The following RALYL variants were observed in gnomAD, a reference collection of about 807,000 sequenced individuals.
RALYL encodes RNA-binding Raly-like protein.
A neutral mutation model predicts 35.1 loss-of-function variants in RALYL; 29 were observed. The observed-to-expected ratio is 0.83, with a 90% CI of 0.61 to 1.13. The LOEUF is 1.13. Ranked by LOEUF, RALYL falls within the 50% of genes most tolerant of loss-of-function variation. RALYL has a pLI of 0.00. For synonymous variants in RALYL, 120 were observed against 127.6 expected, an observed-to-expected ratio of 0.94 and a Z score of 0.40; for missense variants, 359 against 360.4, an observed-to-expected ratio of 1.00 and a Z score of 0.03.
chr8:84,350,507 G>C (rs1563773747), intron 1 of RALYL, among the ~76,000 whole-genome samples: 1 of 150,198 alleles, frequency 6.7e-6, no homozygotes, highest in Non-Finnish European at 1.5e-5. Flanking sequence ...TGGTCTGCTT[G>C]TGGGTTCCAG....
intron 2 of RALYL, among the ~76,000 whole-genome samples, chr8:84,556,297 C>T (rs1306816964): frequency 6.6e-6 from 1 of 152,048 alleles, no homozygotes; most frequent in South Asian, 2.1e-4. Context: ...TGAAAAGATA[C>T]TCAAGAGTTT....
chr8:84,500,400 G>A (rs939046324), intron 1 of RALYL, among the ~76,000 whole-genome samples: 3 of 152,118 alleles, frequency 2.0e-5, no homozygotes, highest in Non-Finnish European at 4.4e-5. Flanking sequence ...TAAATGAACT[G>A]TTTTTAAGTA....
rs371108958 is a variant in RALYL, at chr8:84,657,410, A to G, written c.257-117169A>G. Among the ~76,000 whole-genome samples, 3 of 152,318 alleles carry G rather than the reference A, an allele frequency of 2.0e-5. No homozygotes were observed. In the East Asian group the frequency reaches 5.8e-4, roughly 29 times the overall value. ...AGCTTCTCTTCCTTCCCAGAATCCA[A>G]GTCTTACTCTCAACCGAAACTGGTT... On this transcript the variant is annotated intron_variant, in intron 2 of 8. Coordinates refer to ENST00000521268, the MANE Select transcript of RALYL (RefSeq NM_173848.7).
chr8:84,619,916 T>C (rs1359596637), intron 2 of RALYL, among the ~76,000 whole-genome samples: 2 of 151,210 alleles, frequency 1.3e-5, no homozygotes, highest in Non-Finnish European at 3.0e-5. Context: ...ATGTTGAATA[T>C]TGGCCCCCAC....
intron 2 of RALYL, among the ~76,000 whole-genome samples, chr8:84,553,249 A>C (rs891913808): frequency 6.6e-6 from 1 of 152,118 alleles, no homozygotes; most frequent in African/African-American, 2.4e-5. Flanking sequence ...GTAACCTCTA[A>C]TACCTGGGCT....
chr8:84,474,181 G>C (rs2053126019), intron 1 of RALYL, among the ~76,000 whole-genome samples: 2 of 152,084 alleles, frequency 1.3e-5, no homozygotes, highest in African/African-American at 4.8e-5. Context: ...CGAAAGAAAT[G>C]GAGGTTTAGT....
intron 2 of RALYL, among the ~76,000 whole-genome samples, chr8:84,644,185 A>G (rs1372816680): frequency 1.3e-5 from 2 of 152,076 alleles, no homozygotes; most frequent in African/African-American, 2.4e-5. Context: ...AATATGCTTA[A>G]GGGTTACATT....
intron 1 of RALYL, among the ~76,000 whole-genome samples, chr8:84,223,132 CCTTTCCTTT>C (rs1822758617): frequency 7.0e-6 from 1 of 143,412 alleles, no homozygotes; most frequent in African/African-American, 2.7e-5. Context: ...CCTTTCCTTT[CCTTTCCTTT>C]CCTTTCCTTT....
chr8:84,704,502 A>G (rs1351171914), intron 2 of RALYL, among the ~76,000 whole-genome samples: 1 of 151,364 alleles, frequency 6.6e-6, no homozygotes, highest in African/African-American at 2.4e-5. Context: ...TTTATTCCAC[A>G]AATGTTTATT....
At chr8:84,794,339 G>A (rs778154886) in intron 3 of RALYL, among the ~76,000 whole-genome samples, 1 of 152,156 alleles carries the variant, frequency 6.6e-6, no homozygotes, top group Non-Finnish European at 1.5e-5. Context: ...ATCTGAAACT[G>A]GATAACTCTG....
chr8:84,896,163 G>C (rs142381503), intron 8 of RALYL, among the ~76,000 whole-genome samples: 2 of 152,268 alleles, frequency 1.3e-5, no homozygotes, highest in African/African-American at 4.8e-5. Context: ...CACACTCAGA[G>C]GTGCAGGACC....
At chr8:84,440,806 AG>A (rs1300782474) in intron 1 of RALYL, among the ~76,000 whole-genome samples, 6 of 152,002 alleles carry the variant, frequency 3.9e-5, no homozygotes, top group Non-Finnish European at 7.4e-5. Flanking sequence ...TTATGAACAA[AG>A]CTACATTAAG....
chr8:84,864,253 T>G (rs190706174), intron 6 of RALYL, among the ~76,000 whole-genome samples: 6 of 152,190 alleles, frequency 3.9e-5, no homozygotes, highest in Admixed American at 3.9e-4. Context: ...AGGCTAAATC[T>G]GAAAATTGGA....
intron 2 of RALYL, among the ~76,000 whole-genome samples, chr8:84,712,515 A>G (rs1343774522): frequency 1.1e-4 from 16 of 152,080 alleles, no homozygotes; most frequent in Admixed American, 8.5e-4. Context: ...TCTGTTTAAC[A>G]ATGCCCCACA....
chr8:84,389,329 C>T (rs1434770356), intron 1 of RALYL, among the ~76,000 whole-genome samples: 1 of 151,996 alleles, frequency 6.6e-6, no homozygotes, highest in Non-Finnish European at 1.5e-5. Flanking sequence ...AATGCGGGCT[C>T]TTTTTTGGTT....
At chr8:84,726,435 C>G (rs1279292834) in intron 2 of RALYL, among the ~76,000 whole-genome samples, 1 of 150,668 alleles carries the variant, frequency 6.6e-6, no homozygotes, top group African/African-American at 2.4e-5. Flanking sequence ...TAGCAGTTCA[C>G]TTGATGTTGG....
chr8:84,814,375 G>A (rs1482282706), intron 4 of RALYL, among the ~76,000 whole-genome samples: 1 of 152,116 alleles, frequency 6.6e-6, no homozygotes, highest in Non-Finnish European at 1.5e-5. Context: ...CATGAAATGA[G>A]TTATCAAGCA....
At chr8:84,196,156 G>A (rs1363692291) in intron 1 of RALYL, among the ~76,000 whole-genome samples, 1 of 152,106 alleles carries the variant, frequency 6.6e-6, no homozygotes, top group Non-Finnish European at 1.5e-5. Flanking sequence ...AAAATATTTT[G>A]TTTTATTCTG....
intron 2 of RALYL, among the ~76,000 whole-genome samples, chr8:84,610,074 G>T (rs183895375): frequency 6.6e-6 from 1 of 152,208 alleles, no homozygotes; most frequent in East Asian, 1.9e-4. Context: ...AATTATGGGA[G>T]CTACAATTCA....
Sources: allele counts gnomAD v4.1 joint callset (sites outside exome capture counted in the v4.1 genomes callset), GRCh38; gene constraint gnomAD v4.1.1; transcripts MANE v1.5; gene names NCBI Gene and HGNC (gene_info 2026-07-23, HGNC 2026-07-21).